The following RMST variants were observed in gnomAD, a reference collection of about 807,000 sequenced individuals.
The protein encoded by RMST is long intergenic non-protein coding RNA 54.
At chr12:97,479,182 C>T (rs953707379) in intron 5 of RMST, among the ~76,000 whole-genome samples, 6 of 139,132 alleles carry the variant, frequency 4.3e-5, no homozygotes, top group African/African-American at 1.1e-4. Context: ...CTCTCTTGCC[C>T]AGCCTGGAGT....
At chr12:97,545,934 G>T (rs1882891318) in intron 11 of RMST, among the ~76,000 whole-genome samples, 1 of 152,090 alleles carries the variant, frequency 6.6e-6, no homozygotes. Context: ...AGTTTCTTAT[G>T]TAAACAACAG....
chr12:97,520,641 C>A (rs1467752401), intron 10 of RMST, among the ~76,000 whole-genome samples: 2 of 152,002 alleles, frequency 1.3e-5, no homozygotes. Context: ...CTTGAAAAAT[C>A]CCCCAAACGA....
chr12:97,528,791 A>G (rs1881363669), intron 10 of RMST, among the ~76,000 whole-genome samples: 1 of 152,074 alleles, frequency 6.6e-6, no homozygotes, highest in South Asian at 2.1e-4. Context: ...TTTATTCTTC[A>G]TCGACATGTA....
At chr12:97,499,945 C>T (rs558989833) in intron 10 of RMST, among the ~76,000 whole-genome samples, 2 of 152,272 alleles carry the variant, frequency 1.3e-5, no homozygotes, top group Non-Finnish European at 2.9e-5. Flanking sequence ...AGGCATGAGT[C>T]ATCATGCCCG....
chr12:97,482,613 T>G (rs1357868249), intron 5 of RMST, among the ~76,000 whole-genome samples: 1 of 147,084 alleles, frequency 6.8e-6, no homozygotes, highest in African/African-American at 2.5e-5. Flanking sequence ...ATTTATTTAT[T>G]ATTTAATTTA....
At chr12:97,484,789 T>G (rs1004136945) in intron 5 of RMST, among the ~76,000 whole-genome samples, 1 of 152,242 alleles carries the variant, frequency 6.6e-6, no homozygotes, top group Non-Finnish European at 1.5e-5. Context: ...CTTAGACTTC[T>G]CTAGTGCCAT....
At chr12:97,524,075 C>CAGAAAAA (rs57255256) in intron 10 of RMST, among the ~76,000 whole-genome samples, 1 of 56,116 alleles carries the variant, frequency 1.8e-5, no homozygotes, top group Non-Finnish European at 3.2e-5. Flanking sequence ...GACTCTGTCT[C>CAGAAAAA]AAAAAAAAAA....
At chr12:97,526,808 C>T (rs1881155405) in intron 10 of RMST, among the ~76,000 whole-genome samples, 1 of 152,138 alleles carries the variant, frequency 6.6e-6, no homozygotes, top group African/African-American at 2.4e-5. Flanking sequence ...TTGTTTGCTA[C>T]ACTGTACTGT....
chr12:97,506,977 C>T (rs781719442), intron 10 of RMST, among the ~76,000 whole-genome samples: 12 of 151,980 alleles, frequency 7.9e-5, no homozygotes, highest in African/African-American at 2.4e-4. Flanking sequence ...CCACTGCGCC[C>T]GGCCAGAGGA....
intron 10 of RMST, among the ~76,000 whole-genome samples, chr12:97,503,081 A>G (rs1878266454): frequency 6.6e-6 from 1 of 152,134 alleles, no homozygotes; most frequent in South Asian, 2.1e-4. Context: ...AATTTTGTTT[A>G]TGCTTTCCAT....
At chr12:97,558,388 A>G (rs1316996484) in intron 11 of RMST, among the ~76,000 whole-genome samples, 1 of 152,206 alleles carries the variant, frequency 6.6e-6, no homozygotes, top group Non-Finnish European at 1.5e-5. Flanking sequence ...GCTGTCCCTC[A>G]TAAGCTCACA....
rs537411309 is a variant in RMST, at chr12:97,543,925, A to G, written n.1545+13066A>G. Among the ~76,000 whole-genome samples, 122 of 152,050 alleles carry G rather than the reference A, an allele frequency of 8.0e-4. 1 individual carries two copies. Among genetic ancestry groups the G allele is most frequent in the Non-Finnish European group, 1.5e-3 (101 of 67,984 alleles). ...AGCCATGATCTCTTAGTTTTGTGCT[A>G]TTCTTAAATATGCAATTCAGTTTAG... is the stretch of plus-strand genomic sequence containing the variant. On this transcript the variant is annotated intron_variant and non_coding_transcript_variant, in intron 11 of 13. Coordinates refer to ENST00000640149, the Ensembl canonical transcript of RMST.
At chr12:97,559,963 C>G (rs1884004364) in intron 11 of RMST, among the ~76,000 whole-genome samples, 1 of 151,996 alleles carries the variant, frequency 6.6e-6, no homozygotes, top group Admixed American at 6.6e-5. Context: ...TAAGTAAATC[C>G]TTTTTATCTT....
chr12:97,520,676 G>A (rs1880420360), intron 10 of RMST, among the ~76,000 whole-genome samples: 1 of 151,994 alleles, frequency 6.6e-6, no homozygotes, highest in Non-Finnish European at 1.5e-5. Context: ...GCTTTATAAG[G>A]GACTACCAGA....
At chr12:97,478,333 C>T (rs1377094664) in intron 5 of RMST, among the ~76,000 whole-genome samples, 2 of 152,146 alleles carry the variant, frequency 1.3e-5, no homozygotes, top group South Asian at 2.1e-4. Flanking sequence ...TTTCTTACAT[C>T]GTAGAAAGTA....
At chr12:97,512,952 G>A (rs888092842) in intron 10 of RMST, among the ~76,000 whole-genome samples, 5 of 152,232 alleles carry the variant, frequency 3.3e-5, no homozygotes, top group African/African-American at 1.2e-4. Flanking sequence ...GCTAAGGCCA[G>A]GTGAGAAATT....
intron 11 of RMST, among the ~76,000 whole-genome samples, chr12:97,536,191 T>A (rs1592760938): frequency 1.3e-5 from 2 of 151,600 alleles, no homozygotes; most frequent in Non-Finnish European, 3.0e-5. Context: ...TGCCCAATTG[T>A]TTATGACAAA....
At chr12:97,560,464 A>G (rs1884041100) in intron 11 of RMST, 1 of 152,190 alleles carries the variant, frequency 6.6e-6, no homozygotes, top group Non-Finnish European at 1.5e-5. Context: ...GGGATTTTCA[A>G]TTTAAAAGAG....
intron 10 of RMST, among the ~76,000 whole-genome samples, chr12:97,524,763 A>G (rs567174070): frequency 6.6e-6 from 1 of 152,226 alleles, no homozygotes; most frequent in Non-Finnish European, 1.5e-5. Flanking sequence ...AAAGTAAGAC[A>G]GACTATTTGT....
Sources: gnomAD v4.1 joint callset for allele counts (sites outside exome capture counted in the v4.1 genomes callset) on GRCh38, gnomAD v4.1.1 for gene constraint, MANE v1.5 for transcripts, NCBI Gene and HGNC (gene_info 2026-07-23, HGNC 2026-07-21) for gene names.